The following NPIPB8 variants were observed in gnomAD, a reference collection of about 807,000 sequenced individuals.
NPIPB8 encodes nuclear pore complex interacting protein family member B8.
In NPIPB8, 3 loss-of-function variants were observed where a neutral mutation model predicts 5.3. The observed-to-expected ratio is 0.57, with a 90% CI of 0.26 to 1.47. The LOEUF is 1.47. Among genes scored for constraint, NPIPB8 ranks in the 40% most tolerant of loss-of-function variants. The probability of loss-of-function intolerance (pLI) is 0.13; values close to 1 mark genes in which losing one functional copy is unlikely to be tolerated. For synonymous variants in NPIPB8, 18 were observed against 23.0 expected (o/e 0.78, Z 0.62); for missense variants, 50 against 50.2 (o/e 1.00, Z 0.01).
intron 2 of NPIPB8, among the ~76,000 whole-genome samples, chr16:28,639,412 C>A (rs943360460): frequency 2.1e-5 from 3 of 145,820 alleles, no homozygotes; most frequent in Admixed American, 2.0e-4. Context: ...CACACACACA[C>A]ACAGACACAC....
chr16:28,644,601 C>A, intron 2 of NPIPB8: 1 of 1,531,554 alleles, frequency 6.5e-7, no homozygotes, highest in Non-Finnish European at 8.8e-7. Flanking sequence ...TGCGGCTGCG[C>A]TTTTGGCTCC....
At chr16:28,652,715 T>A (rs371988816) in intron 5 of NPIPB8, among the ~76,000 whole-genome samples, 1 of 101,504 alleles carries the variant, frequency 9.9e-6, no homozygotes, top group Non-Finnish European at 2.1e-5. Context: ...AATTCTCCTG[T>A]CTCAGCCTCC....
At chr16:28,638,208 T>C in intron 1 of NPIPB8, 58 bp downstream of exon 1, 1 of 1,348,338 alleles carries the variant, frequency 7.4e-7, no homozygotes, top group Non-Finnish European at 9.9e-7. Context: ...AGTACAGGAA[T>C]TTGAACTTGG....
chr16:28,639,455 A>AT (rs1181691602), intron 2 of NPIPB8, among the ~76,000 whole-genome samples: 14,023 of 120,900 alleles, frequency 0.12, 1,425 homozygotes, highest in Middle Eastern at 0.27. Context: ...ATATATATAT[A>AT]TTTTTTTTTT....
At chr16:28,650,883 G>C (rs1421323032) in intron 3 of NPIPB8, among the ~76,000 whole-genome samples, 8,419 of 30,390 alleles carry the variant, frequency 0.28, 15 homozygotes, top group Non-Finnish European at 0.32. Context: ...TCCTTTTCAA[G>C]TTGTGAAACA....
chr16:28,639,849 A>G, intron 2 of NPIPB8, among the ~76,000 whole-genome samples: 1 of 150,588 alleles, frequency 6.6e-6, no homozygotes, highest in Admixed American at 6.6e-5. Context: ...AAAGATTGAA[A>G]GAATACATAT....
chr16:28,641,865 G>A lies in NPIPB8; in HGVS notation c.120+3385G>A, dbSNP rs931108627. Among the ~76,000 whole-genome samples, 159 of 131,732 alleles carry A rather than the reference G, an allele frequency of 1.2e-3. 2 individuals are homozygous for A. Among genetic ancestry groups the A allele is most frequent in the Non-Finnish European group, 2.0e-3 (125 of 62,400 alleles). 86.4% of individuals were successfully genotyped at this position (131,732 alleles called of 152,430 possible). A position where few individuals can be genotyped will look rare whatever the true frequency, so the allele number is the denominator to read the frequency against. ...TCCATGAGGGACCGCCTGCAAGGGA[G>A]GTTGATCCTGGCTTTGGGGAGCCTT... On this transcript the variant is annotated intron_variant, in intron 2 of 7. Coordinates refer to ENST00000683297, the MANE Select transcript of NPIPB8 (RefSeq NM_001310136.2).
In NPIPB8 at chr16:28,638,414, C is replaced by G. The variant is rs1174426419; in HGVS notation, c.54C>G (p.Gly18=). 6.4e-7 allele frequency: 1 copy of G among 1,572,574 alleles called. No individual in the cohort carries two copies. Residue 18 remains glycine (G), a synonymous_variant, in exon 2 of 8, where the codon GGC becomes GGG. Transcript: ENST00000683297. ...LTPQFLSHDQ[G]QLTKELQQHV... Reference sequence around the variant, plus strand: ...CACAGTTCCTGTCCCATGACCAGGGCCAGCTCACCAAGGAGCTGCAGCAGC... The same window carrying G: ...CACAGTTCCTGTCCCATGACCAGGGGCAGCTCACCAAGGAGCTGCAGCAGC...
intron 2 of NPIPB8, among the ~76,000 whole-genome samples, chr16:28,640,183 G>A (rs2047870537): frequency 6.6e-6 from 1 of 151,976 alleles, no homozygotes; most frequent in South Asian, 2.1e-4. Flanking sequence ...AGGCTAGTCT[G>A]CATCACAGAG....
chr16:28,640,307 C>T (rs1030620558), intron 2 of NPIPB8, among the ~76,000 whole-genome samples: 7 of 152,030 alleles, frequency 4.6e-5, no homozygotes, highest in Admixed American at 2.0e-4. Flanking sequence ...TCTTTTCCTG[C>T]CCATGCTGCA....
At chr16:28,645,348 A>G (rs1316752473) in intron 2 of NPIPB8, among the ~76,000 whole-genome samples, 2 of 76,504 alleles carry the variant, frequency 2.6e-5, no homozygotes, top group Admixed American at 1.4e-4. Flanking sequence ...CCTTAAGTGT[A>G]AGTTTACTAA....
At position 28,639,428 on chromosome 16, in the gene NPIPB8, GAC is replaced by G. The variant is rs1040391463; in HGVS notation, c.120+964_120+965del. On this transcript the variant is annotated intron_variant, in intron 2 of 7. Coordinates refer to ENST00000683297, the MANE Select transcript of NPIPB8 (RefSeq NM_001310136.2). ...ACACACACACACAGACACACACACA[GAC>G]ACACACACACACACATATATATATA... 1.5e-3 allele frequency among the ~76,000 whole-genome samples: 197 copies of G among 135,424 alleles called. 3 individuals are homozygous for G. Among genetic ancestry groups the G allele is most frequent in the Non-Finnish European group, 2.2e-3 (142 of 65,482 alleles). 88.8% of individuals were successfully genotyped at this position (135,424 alleles called of 152,430 possible).
At chr16:28,644,610 C>G in intron 2 of NPIPB8, 1 of 1,513,210 alleles carries the variant, frequency 6.6e-7, no homozygotes, top group Non-Finnish European at 8.8e-7. Flanking sequence ...GCTTTTGGCT[C>G]CTCATTTGGC....
At chr16:28,641,163 C>T (rs1483435712) in intron 2 of NPIPB8, among the ~76,000 whole-genome samples, 2 of 151,826 alleles carry the variant, frequency 1.3e-5, no homozygotes, top group Non-Finnish European at 2.9e-5. Context: ...CTGGGTGACT[C>T]AAGTGCCCAT....
intron 2 of NPIPB8, among the ~76,000 whole-genome samples, chr16:28,643,107 A>G (rs2047935662): frequency 6.6e-6 from 1 of 151,206 alleles, no homozygotes; most frequent in Non-Finnish European, 1.5e-5. Context: ...CCCATCACAC[A>G]TGATGCTGCC....
At chr16:28,645,039 C>CTTTT (rs1241912180) in intron 2 of NPIPB8, among the ~76,000 whole-genome samples, 2 of 66,308 alleles carry the variant, frequency 3.0e-5, no homozygotes, top group Non-Finnish European at 5.9e-5. Flanking sequence ...GGTTTGATGA[C>CTTTT]TTTTTTTTTT....
chr16:28,638,552 A>G, intron 2 of NPIPB8, 72 bp downstream of exon 2: 18 of 1,461,686 alleles, frequency 1.2e-5, no homozygotes, highest in Non-Finnish European at 1.7e-5. Flanking sequence ...CACACATCTC[A>G]TAGCGGGTGA....
intron 2 of NPIPB8, among the ~76,000 whole-genome samples, chr16:28,640,584 C>T (rs142375742): frequency 0.021 from 3,132 of 152,114 alleles, 116 homozygotes; most frequent in African/African-American, 0.072. Context: ...TCCATTAAGA[C>T]CGTCATATGG....
At chr16:28,651,284 ATT>A (rs1242473443) in intron 3 of NPIPB8, among the ~76,000 whole-genome samples, 1 of 10,952 alleles carries the variant, frequency 9.1e-5, no homozygotes, top group Non-Finnish European at 1.6e-4. Context: ...CACCTGGGCT[ATT>A]TTTTTTTTTT....
Sources: allele counts gnomAD v4.1 joint callset (sites outside exome capture counted in the v4.1 genomes callset), GRCh38; gene constraint gnomAD v4.1.1; transcripts MANE v1.5; gene names NCBI Gene and HGNC (gene_info 2026-07-23, HGNC 2026-07-21).